APPL1: variants seen among roughly 807,000 people sequenced by gnomAD.
APPL1 encodes the protein adaptor protein, phosphotyrosine interacting with PH domain and leucine zipper 1.
In APPL1, 42 loss-of-function variants were observed where a neutral mutation model predicts 106.8. That is an observed-to-expected ratio of 0.39 (90% confidence interval 0.31 to 0.51). The LOEUF (loss-of-function observed/expected upper bound fraction) is 0.51. APPL1 is among the 20% of genes least tolerant of loss of function. The pLI, the probability that APPL1 is intolerant of heterozygous loss-of-function variation, is 0.75. For synonymous variants in APPL1, 263 were observed against 281.8 expected, an observed-to-expected ratio of 0.93 and a Z score of 0.67; for missense variants, 769 against 858.2, an observed-to-expected ratio of 0.90 and a Z score of 1.30.
chr3:57,232,700 C>T (rs577666245), intron 1 of APPL1, among the ~76,000 whole-genome samples: 47 of 152,196 alleles, frequency 3.1e-4, no homozygotes, highest in Admixed American at 2.2e-3. Flanking sequence ...TGATGACTCT[C>T]GAGTTGAAAA....
Position 57,246,078 on chromosome 3 carries a change from G to A in APPL1, c.477G>A (p.Val159=), listed in dbSNP as rs144751041. 2 of 1,566,136 alleles carry A rather than the reference G, an allele frequency of 1.3e-6. No homozygotes were observed. The highest frequency in any genetic ancestry group is 1.7e-6 in the Non-Finnish European group (2 of 1,161,642). The change falls in exon 8 of 22, where the codon GTG becomes GTA. Residue 159 remains valine, a splice_region_variant and synonymous_variant. Transcript: ENST00000288266. ...TATTTAAATCTTTTCATTCAAAGGT[G>A]AAGTATGAAGTAACAGAAGATGTGT... ...RLSKKRENDK[V]KYEVTEDVYT... is the part of the protein sequence containing the mutation.
At chr3:57,249,611 A>G in intron 11 of APPL1, 63 bp downstream of exon 11, 1 of 1,370,922 alleles carries the variant, frequency 7.3e-7, no homozygotes, top group Non-Finnish European at 9.6e-7. Flanking sequence ...ATGTGAGATA[A>G]TTCCTTTTTG....
intron 10 of APPL1, 37 bp downstream of exon 10, chr3:57,248,388 C>A: frequency 6.3e-7 from 1 of 1,581,070 alleles, no homozygotes; most frequent in Non-Finnish European, 8.6e-7. Context: ...TATTGTGTAT[C>A]ATGTAAGACA....
chr3:57,257,527 G>T, intron 15 of APPL1, 99 bp downstream of exon 15: 1 of 1,061,842 alleles, frequency 9.4e-7, no homozygotes. Context: ...ATGTATATCA[G>T]CTATGTTGTA....
chr3:57,256,136 G>T (rs1306019108), intron 13 of APPL1, among the ~76,000 whole-genome samples: 1 of 152,138 alleles, frequency 6.6e-6, no homozygotes, highest in East Asian at 1.9e-4. Context: ...TTGAGCCTAG[G>T]AGATCAAGGA....
intron 13 of APPL1, among the ~76,000 whole-genome samples, chr3:57,254,599 G>T (rs957460254): frequency 1.3e-5 from 2 of 152,176 alleles, no homozygotes; most frequent in Non-Finnish European, 2.9e-5. Context: ...TGCAGAAATG[G>T]CAGGTTTATG....
intron 9 of APPL1, among the ~76,000 whole-genome samples, chr3:57,247,701 A>T (rs1392925371): frequency 6.6e-6 from 1 of 152,026 alleles, no homozygotes; most frequent in Non-Finnish European, 1.5e-5. Context: ...TTGATTCTAC[A>T]CTCAGTTTTA....
chr3:57,242,789 C>A, intron 6 of APPL1, 67 bp from the exon 7 acceptor site: 1 of 1,184,698 alleles, frequency 8.4e-7, no homozygotes, highest in African/African-American at 1.5e-5. Flanking sequence ...CATGTGAAGA[C>A]CATTGAAAGC....
At chr3:57,255,644 A>G (rs1030409651) in intron 13 of APPL1, among the ~76,000 whole-genome samples, 4 of 152,148 alleles carry the variant, frequency 2.6e-5, no homozygotes, top group African/African-American at 9.7e-5. Context: ...ATTGTAACAT[A>G]TTTATTACAA....
At position 57,242,747 on chromosome 3, in the gene APPL1, T is replaced by G. The variant is rs2060753456; in HGVS notation, c.416-109T>G. On this transcript the variant is annotated intron_variant, in intron 6 of 21. Transcript: ENST00000288266. ...AGTGCAGTGGTCATGTGGTAGGAAA[T>G]TCTTGCTTTAGTACGTTTGTGGAAA... 6 of 785,734 alleles carry G rather than the reference T, an allele frequency of 7.6e-6. No individual in the cohort carries two copies. The Admixed American group carries it at 1.5e-4, about 20-fold the overall frequency. 48.7% of individuals were successfully genotyped at this position (785,734 alleles called of 1,614,324 possible). A position where few individuals can be genotyped will look rare whatever the true frequency, so the allele number is the denominator to read the frequency against.
chr3:57,266,236 C>T (rs1158845929), intron 19 of APPL1, among the ~76,000 whole-genome samples: 1 of 152,026 alleles, frequency 6.6e-6, no homozygotes, highest in Non-Finnish European at 1.5e-5. Flanking sequence ...ATTCCCTTCT[C>T]CTCTATTTTT....
intron 13 of APPL1, 99 bp from the exon 14 acceptor site, chr3:57,256,858 A>G (rs1579396810): frequency 1.1e-6 from 1 of 883,568 alleles, no homozygotes; most frequent in East Asian, 2.4e-5. Flanking sequence ...TTATATTTTA[A>G]GTGTAACTCA....
chr3:57,253,324 A>T (rs2060815255), intron 12 of APPL1, among the ~76,000 whole-genome samples: 1 of 152,254 alleles, frequency 6.6e-6, no homozygotes, highest in Non-Finnish European at 1.5e-5. Context: ...AAAAAGATAA[A>T]TATAGATTAT....
intron 8 of APPL1, among the ~76,000 whole-genome samples, chr3:57,246,510 T>C (rs2060774613): frequency 6.6e-6 from 1 of 152,194 alleles, no homozygotes. Flanking sequence ...CACCTATTGC[T>C]AGAGCTTCAA....
rs141364162 is a variant in APPL1, at chr3:57,266,544, C to T, written c.1843-1198C>T. Among the ~76,000 whole-genome samples, 186 of 152,258 alleles carry T rather than the reference C, an allele frequency of 1.2e-3. 1 individual carries two copies. The highest frequency in any genetic ancestry group is 4.3e-3 in the African/African-American group (179 of 41,550). ...TTATGCAGTATCAATTGTAATGTCA[C>T]CTTTTTAATCTCCAATTTTATTTGA... On this transcript the variant is annotated intron_variant, in intron 19 of 21. Coordinates refer to ENST00000288266, the MANE Select transcript of APPL1 (RefSeq NM_012096.3).
Position 57,259,945 on chromosome 3 carries a change from C to T in APPL1, c.1584C>T (p.Ile528=). ...PDVVYETMRQ[I]LAARAIHNIF... ...TTGTTTATGAAACTATGCGCCAAATCTTAGCTGCCCGGGCCATCCATAACA... is the reference window on the plus strand; with the variant it reads ...TTGTTTATGAAACTATGCGCCAAATTTTAGCTGCCCGGGCCATCCATAACA... The change falls in exon 17 of 22, where the codon ATC becomes ATT. Residue 528 remains isoleucine (I), a synonymous_variant. Coordinates refer to ENST00000288266, the MANE Select transcript of APPL1 (RefSeq NM_012096.3). 6.2e-7 allele frequency: 1 copy of T among 1,613,974 alleles called. No homozygotes were observed. Among genetic ancestry groups the T allele is most frequent in the Non-Finnish European group, 8.5e-7 (1 of 1,179,992 alleles).
intron 5 of APPL1, 80 bp from the exon 6 acceptor site, chr3:57,242,021 G>T: frequency 2.0e-6 from 2 of 984,332 alleles, no homozygotes; most frequent in African/African-American, 1.7e-5. Flanking sequence ...TTTAATTATA[G>T]TTTAAGTAGC....
chr3:57,249,977 G>A (rs2060794604), intron 11 of APPL1, among the ~76,000 whole-genome samples: 1 of 152,092 alleles, frequency 6.6e-6, no homozygotes, highest in African/African-American at 2.4e-5. Flanking sequence ...GAATGGGGGG[G>A]GGTTGTAATC....
chr3:57,242,129 G>C lies in APPL1; in HGVS notation c.402G>C (p.Gln134His), dbSNP rs201150623. The C allele has an allele frequency of 7.4e-5, 118 of 1,593,206 alleles. No homozygotes were observed. The highest frequency in any genetic ancestry group is 9.9e-5 in the Non-Finnish European group (115 of 1,166,694). Residue 134 changes from glutamine (Q) to histidine (H), a missense_variant, in exon 6 of 22, where the codon CAG (glutamine) becomes CAC (histidine). Transcript: ENST00000288266. ...KEILTLKEVF[Q>H]IASNDHDAAI... ...TACTAACATTAAAGGAAGTATTTCAGATTGCAAGTAATGGTAAGCCCTATA... is the reference window on the plus strand; with the variant it reads ...TACTAACATTAAAGGAAGTATTTCACATTGCAAGTAATGGTAAGCCCTATA...
Sources: gnomAD v4.1 joint callset for allele counts (sites outside exome capture counted in the v4.1 genomes callset) on GRCh38, gnomAD v4.1.1 for gene constraint, MANE v1.5 for transcripts, NCBI Gene and HGNC (gene_info 2026-07-23, HGNC 2026-07-21) for gene names.